Variants in SLC7A1 observed in about 807,000 individuals in gnomAD.
The protein encoded by SLC7A1 is high affinity cationic amino acid transporter 1.
Under a neutral mutation model 53.9 loss-of-function variants are expected in SLC7A1, and 10 were observed. The ratio of observed to expected loss-of-function variants is 0.19; its 90% CI spans 0.11 to 0.31. SLC7A1 has a LOEUF of 0.31. Ranked by LOEUF, SLC7A1 falls within the 10% of genes least tolerant of loss-of-function variation. The pLI, the probability that SLC7A1 is intolerant of heterozygous loss-of-function variation, is 1.00. For missense variants in SLC7A1, 525 were observed against 827.2 expected (o/e 0.63, Z 4.48); for synonymous variants, 342 against 338.7 (o/e 1.01, Z -0.11).
intron 2 of SLC7A1, among the ~76,000 whole-genome samples, chr13:29,549,291 C>T (rs1870067400): frequency 6.6e-6 from 1 of 152,194 alleles, no homozygotes; most frequent in African/African-American, 2.4e-5. Flanking sequence ...CAGGAGGAAG[C>T]CAGCGAAGAA....
rs1871700221 is a variant in SLC7A1 at position 29,582,722 on chromosome 13, G to A, written c.-115+12694C>T. Among the ~76,000 whole-genome samples, 3 of 152,166 alleles carry A rather than the reference G, an allele frequency of 2.0e-5. No individual in the cohort carries two copies. In the South Asian group the frequency reaches 6.2e-4, roughly 32 times the overall value. ...AATGTGCATTTCAGGAGATCCCCAG[G>A]GGAGGATTTGTATGCACGTGTGGTC... On this transcript the variant is annotated intron_variant, in intron 1 of 12. Coordinates refer to ENST00000380752, the MANE Select transcript of SLC7A1 (RefSeq NM_003045.5).
At chr13:29,557,826 G>A (rs1870512011) in intron 1 of SLC7A1, among the ~76,000 whole-genome samples, 1 of 16,808 alleles carries the variant, frequency 5.9e-5, no homozygotes, top group Admixed American at 5.1e-4. Flanking sequence ...GGGAGTGAAT[G>A]TGAGTGAGGG....
chr13:29,551,265 T>C (rs1352570457), intron 2 of SLC7A1, among the ~76,000 whole-genome samples: 1 of 152,262 alleles, frequency 6.6e-6, no homozygotes, highest in Admixed American at 6.5e-5. Context: ...CTGTGTGCCC[T>C]CCCTCTTTGC....
intron 8 of SLC7A1, among the ~76,000 whole-genome samples, chr13:29,521,359 A>C (rs982573124): frequency 5.9e-5 from 9 of 152,238 alleles, no homozygotes; most frequent in African/African-American, 2.2e-4. Context: ...TGTGTTAGAA[A>C]CTGTGACTGA....
intron 2 of SLC7A1, among the ~76,000 whole-genome samples, chr13:29,551,156 T>A (rs901798429): frequency 1.2e-4 from 18 of 152,172 alleles, no homozygotes; most frequent in African/African-American, 4.1e-4. Flanking sequence ...AGACCACACA[T>A]CGTCCCTGCC....
chr13:29,517,851 C>T, intron 9 of SLC7A1, 61 bp from the exon 10 acceptor site: 2 of 1,333,622 alleles, frequency 1.5e-6, no homozygotes, highest in Non-Finnish European at 1.1e-6. Flanking sequence ...CGTGCACCAA[C>T]TCAAGTTCTC....
rs747050188 is a variant in SLC7A1, at chr13:29,536,133, A to G, written c.56T>C (p.Val19Ala). ...IGQQMLRRKV[V>A]DCSREETRLS... ...CCGCGTCTCCTCCCGGCTACAGTCC[A>G]CCACCTTCCGCCGCAGCATCTGCTG... Residue 19 changes from valine to alanine, a missense_variant, in exon 3 of 13, where the codon GTG becomes GCG. Coordinates refer to ENST00000380752, the MANE Select transcript of SLC7A1 (RefSeq NM_003045.5). The G allele has an allele frequency of 6.2e-7, 1 of 1,613,872 alleles. No individual in the cohort carries two copies. Among genetic ancestry groups the G allele is most frequent in the Non-Finnish European group, 8.5e-7 (1 of 1,180,016 alleles).
intron 5 of SLC7A1, among the ~76,000 whole-genome samples, chr13:29,526,668 C>T (rs1868906930): frequency 6.6e-6 from 1 of 152,114 alleles, no homozygotes; most frequent in African/African-American, 2.4e-5. Flanking sequence ...GAGATGAACT[C>T]ACAGAAGGGG....
At chr13:29,555,577 A>G (rs543278239) in intron 1 of SLC7A1, among the ~76,000 whole-genome samples, 1 of 151,536 alleles carries the variant, frequency 6.6e-6, no homozygotes, top group African/African-American at 2.4e-5. Context: ...ACAGCCCACC[A>G]GGGACACAGC....
At chr13:29,542,050 A>G (rs201406183) in intron 2 of SLC7A1, among the ~76,000 whole-genome samples, 1 of 151,986 alleles carries the variant, frequency 6.6e-6, no homozygotes, top group East Asian at 1.9e-4. Context: ...TTTTATCATA[A>G]AAAAAAACAC....
intron 2 of SLC7A1, among the ~76,000 whole-genome samples, chr13:29,543,645 G>A (rs890310890): frequency 1.3e-5 from 2 of 152,004 alleles, no homozygotes; most frequent in Non-Finnish European, 2.9e-5. Flanking sequence ...AGGTTCCCCA[G>A]GAGGAGGGAG....
chr13:29,584,810 G>A (rs772820423), intron 1 of SLC7A1, among the ~76,000 whole-genome samples: 29 of 152,114 alleles, frequency 1.9e-4, no homozygotes, highest in Non-Finnish European at 2.9e-4. Flanking sequence ...GGCTGCTATT[G>A]TTAATATAGT....
chr13:29,583,879 G>T lies in SLC7A1; in HGVS notation c.-115+11537C>A, dbSNP rs974475992. Among the ~76,000 whole-genome samples, 10 of 152,240 alleles carry T rather than the reference G, an allele frequency of 6.6e-5. No individual in the cohort carries two copies. In the East Asian group the frequency reaches 1.4e-3, roughly 21 times the overall value. ...TTCTCCCAAGATTGCCCTCTGGAAAGAAAGCAATCTGAAAAAAGAAATGTC... is the reference window on the plus strand; with the variant it reads ...TTCTCCCAAGATTGCCCTCTGGAAATAAAGCAATCTGAAAAAAGAAATGTC... On this transcript the variant is annotated intron_variant, in intron 1 of 12. Transcript: ENST00000380752.
At chr13:29,522,577 T>A in intron 7 of SLC7A1, 121 bp from the exon 8 acceptor site, 1 of 1,031,874 alleles carries the variant, frequency 9.7e-7, no homozygotes, top group East Asian at 2.5e-5. Flanking sequence ...AGAGCTGCCG[T>A]CCCTCCACGC....
chr13:29,567,234 T>A (rs1026859955), intron 1 of SLC7A1, among the ~76,000 whole-genome samples: 7 of 152,156 alleles, frequency 4.6e-5, no homozygotes, highest in African/African-American at 1.4e-4. Context: ...TTTTTTGGTT[T>A]AAATAATGCC....
At chr13:29,566,479 G>A (rs536084576) in intron 1 of SLC7A1, among the ~76,000 whole-genome samples, 4 of 152,270 alleles carry the variant, frequency 2.6e-5, no homozygotes, top group South Asian at 4.2e-4. Flanking sequence ...GCTGCAACAC[G>A]GATGAACCTT....
intron 2 of SLC7A1, among the ~76,000 whole-genome samples, chr13:29,550,369 G>A (rs1870118827): frequency 6.6e-6 from 1 of 152,178 alleles, no homozygotes; most frequent in African/African-American, 2.4e-5. Flanking sequence ...AAATCAAGGA[G>A]CAAAATAATT....
At chr13:29,594,322 A>G (rs1237683748) in intron 1 of SLC7A1, among the ~76,000 whole-genome samples, 1 of 152,270 alleles carries the variant, frequency 6.6e-6, no homozygotes, top group African/African-American at 2.4e-5. Context: ...TCTGGTAACT[A>G]TGTCTGGACT....
chr13:29,568,083 C>T (rs1420521752), intron 1 of SLC7A1, among the ~76,000 whole-genome samples: 1 of 152,224 alleles, frequency 6.6e-6, no homozygotes, highest in Non-Finnish European at 1.5e-5. Flanking sequence ...TCTAAACTTA[C>T]ACAAAACTTC....
Sources: allele counts gnomAD v4.1 joint callset (sites outside exome capture counted in the v4.1 genomes callset), GRCh38; gene constraint gnomAD v4.1.1; transcripts MANE v1.5; gene names NCBI Gene and HGNC (gene_info 2026-07-23, HGNC 2026-07-21).